The following CENPK variants were observed in gnomAD, a reference collection of about 807,000 sequenced individuals.
CENPK encodes centromere protein K.
In CENPK, 46 loss-of-function variants were observed where a neutral mutation model predicts 40.9. The ratio of observed to expected loss-of-function variants is 1.13; its 90% CI spans 0.89 to 1.44. The LOEUF is 1.44. Ranked by LOEUF, CENPK falls within the 40% of genes most tolerant of loss-of-function variation. The pLI is 0.00. For synonymous variants in CENPK, 107 were observed against 104.4 expected (o/e 1.02, Z -0.15); for missense variants, 288 against 303.5 (o/e 0.95, Z 0.38).
chr5:65,524,157 C>G (rs1006419041), intron 9 of CENPK, among the ~76,000 whole-genome samples: 3 of 151,884 alleles, frequency 2.0e-5, no homozygotes, highest in Non-Finnish European at 4.4e-5. Flanking sequence ...GGGCAGATCA[C>G]CAGCTCAGGA....
chr5:65,560,712 T>G (rs973318224), intron 2 of CENPK, among the ~76,000 whole-genome samples: 1 of 152,136 alleles, frequency 6.6e-6, no homozygotes, highest in African/African-American at 2.4e-5. Flanking sequence ...TAATGTAAAA[T>G]TGGTAAGAGA....
rs1226611499 is a variant in CENPK at position 65,560,559 on chromosome 5, A to C, written c.-40+904T>G. Among the ~76,000 whole-genome samples the C allele has an allele frequency of 2.0e-5, 3 of 152,358 alleles. No homozygotes were observed. In the East Asian group the frequency reaches 5.8e-4, roughly 29 times the overall value. ...AAAGGTAAACAACAAAAACAATTCA[A>C]TAGAAACTGGCAAAGAACACAAATG... On this transcript the variant is annotated intron_variant, in intron 2 of 10. Coordinates refer to ENST00000396679, the MANE Select transcript of CENPK (RefSeq NM_022145.5).
At chr5:65,517,136 T>C (rs1561605448), downstream of CENPK, among the ~76,000 whole-genome samples, 1 of 152,058 alleles carries the variant, frequency 6.6e-6, no homozygotes, top group Non-Finnish European at 1.5e-5. Flanking sequence ...AAAGACAGGG[T>C]TTCACCATGT....
chr5:65,514,455 C>T (rs1471177120), downstream of CENPK, among the ~76,000 whole-genome samples: 7 of 151,432 alleles, frequency 4.6e-5, no homozygotes, highest in African/African-American at 1.5e-4. Flanking sequence ...TTAGTAGAGA[C>T]GGGGTTTCAC....
chr5:65,501,507 T>C, the CENPK span, among the ~76,000 whole-genome samples: 1 of 152,100 alleles, frequency 6.6e-6, no homozygotes, highest in African/African-American at 2.4e-5. Context: ...TTGCTGTATG[T>C]TGTCTTTTTT....
chr5:65,551,719 T>C, intron 4 of CENPK, 83 bp from the exon 5 acceptor site: 2 of 714,396 alleles, frequency 2.8e-6, no homozygotes, highest in Non-Finnish European at 4.4e-6. Context: ...CTTAATATTT[T>C]AAAACTTTGC....
chr5:65,541,413 GGAGA>G (rs1747953012), intron 6 of CENPK: 1 of 456,150 alleles, frequency 2.2e-6, no homozygotes, highest in African/African-American at 2.0e-5. Flanking sequence ...CTGGTTTGTA[GGAGA>G]GAATCATCAT....
intron 2 of CENPK, among the ~76,000 whole-genome samples, chr5:65,559,233 T>A (rs1354259024): frequency 1.3e-5 from 2 of 152,348 alleles, no homozygotes; most frequent in East Asian, 3.9e-4. Context: ...AAGACCCACA[T>A]TGTAAAGACG....
At position 65,552,477 on chromosome 5, in the gene CENPK, A is replaced by T; in HGVS notation, c.168+16T>A. On this transcript the variant is annotated intron_variant, in intron 4 of 10. Coordinates refer to ENST00000396679, the MANE Select transcript of CENPK (RefSeq NM_022145.5). The stretch of plus-strand genomic sequence containing the variant: ...TCCACTTACCTTGTATTTTTTAGGA[A>T]GAAAAAGATTCATACCTGAGCATTT... 4 of 1,483,404 alleles carry T rather than the reference A, an allele frequency of 2.7e-6. No homozygotes were observed. Among genetic ancestry groups the T allele is most frequent in the Non-Finnish European group, 3.6e-6 (4 of 1,100,974 alleles). 91.9% of individuals were successfully genotyped at this position (1,483,404 alleles called of 1,614,324 possible). A position where few individuals can be genotyped will look rare whatever the true frequency, so the allele number is the denominator to read the frequency against.
intron 6 of CENPK, among the ~76,000 whole-genome samples, chr5:65,538,579 C>T (rs1326089336): frequency 6.6e-6 from 1 of 152,140 alleles, no homozygotes; most frequent in East Asian, 1.9e-4. Context: ...AATATTTTCT[C>T]AGCGAAAGAT....
At chr5:65,546,288 G>A (rs1285578510) in intron 5 of CENPK, among the ~76,000 whole-genome samples, 1 of 152,132 alleles carries the variant, frequency 6.6e-6, no homozygotes, top group South Asian at 2.1e-4. Flanking sequence ...TTACAGACGT[G>A]AGCCACCACA....
rs190308743 is a variant in CENPK, at chr5:65,551,025, T to C, written c.241+539A>G. 355 of 173,668 alleles carry C rather than the reference T, an allele frequency of 2.0e-3. 2 individuals carry two copies. The highest frequency in any genetic ancestry group is 8.2e-3 in the African/African-American group (340 of 41,686). 10.8% of individuals were successfully genotyped at this position (173,668 alleles called of 1,614,324 possible). On this transcript the variant is annotated intron_variant, in intron 5 of 10. Transcript: ENST00000396679. ...GAGAGGCCAAGGCAGGAGGATCCCT[T>C]GAGCCCAGGAGTTCAAGACCAGCCT...
intron 6 of CENPK, among the ~76,000 whole-genome samples, chr5:65,536,329 C>T (rs759863636): frequency 6.6e-6 from 1 of 152,010 alleles, no homozygotes; most frequent in Non-Finnish European, 1.5e-5. Flanking sequence ...GAATCGTTAT[C>T]TTAGCCAAGC....
At chr5:65,531,171 C>T (rs1376676374) in intron 6 of CENPK, among the ~76,000 whole-genome samples, 4 of 151,888 alleles carry the variant, frequency 2.6e-5, no homozygotes, top group Admixed American at 2.6e-4. Flanking sequence ...CCCTCCCTCC[C>T]CCAGAAAAAT....
chr5:65,530,505 A>G (rs1391468674), intron 6 of CENPK, among the ~76,000 whole-genome samples: 1 of 152,220 alleles, frequency 6.6e-6, no homozygotes, highest in African/African-American at 2.4e-5. Flanking sequence ...GGGCAGAAGT[A>G]TGCTTGAGGG....
chr5:65,548,033 G>A (rs945149491), intron 5 of CENPK, among the ~76,000 whole-genome samples: 16 of 152,162 alleles, frequency 1.1e-4, no homozygotes, highest in Admixed American at 2.0e-4. Flanking sequence ...GAAGCATGGG[G>A]TGGAGAACAA....
intron 9 of CENPK, 121 bp from the exon 10 acceptor site, chr5:65,521,649 G>A: frequency 1.5e-6 from 1 of 689,238 alleles, no homozygotes; most frequent in Non-Finnish European, 2.5e-6. Flanking sequence ...CGCCCAGGCT[G>A]GAGTGCAATG....
the CENPK span, among the ~76,000 whole-genome samples, chr5:65,503,173 G>A: frequency 4.3e-5 from 6 of 139,012 alleles, no homozygotes; most frequent in Non-Finnish European, 7.5e-5. Flanking sequence ...GCAGTGTCTC[G>A]ATCTCAGCTC....
chr5:65,534,060 A>AAG (rs1244695803), intron 6 of CENPK, among the ~76,000 whole-genome samples: 2 of 151,112 alleles, frequency 1.3e-5, no homozygotes, highest in Non-Finnish European at 3.0e-5. Flanking sequence ...CAAAAAAAAA[A>AAG]AAAAAAAAAG....
Sources: gnomAD v4.1 joint callset for allele counts (sites outside exome capture counted in the v4.1 genomes callset) on GRCh38, gnomAD v4.1.1 for gene constraint, MANE v1.5 for transcripts, NCBI Gene and HGNC (gene_info 2026-07-23, HGNC 2026-07-21) for gene names.